Variants in IPO11 observed in about 807,000 individuals in gnomAD.
IPO11 encodes the protein importin-11.
In IPO11, 66 loss-of-function variants were observed where a neutral mutation model predicts 143.2. The observed-to-expected ratio is 0.46, with a 90% CI of 0.38 to 0.57. The LOEUF is 0.57. IPO11 is among the 20% of genes least tolerant of loss of function. The pLI, the probability that IPO11 is intolerant of heterozygous loss-of-function variation, is 0.00. For missense variants in IPO11, 1,026 were observed against 1,141.0 expected, an observed-to-expected ratio of 0.90 and a Z score of 1.45; for synonymous variants, 385 against 377.8, an observed-to-expected ratio of 1.02 and a Z score of -0.22.
intron 14 of IPO11, among the ~76,000 whole-genome samples, chr5:62,489,798 G>C (rs910383943): frequency 1.3e-5 from 2 of 152,144 alleles, no homozygotes; most frequent in African/African-American, 4.8e-5. Context: ...GCTGGAGAGA[G>C]TTAAGTAGGG....
intron 1 of IPO11, among the ~76,000 whole-genome samples, chr5:62,426,032 G>A (rs1271729343): frequency 6.6e-6 from 1 of 152,164 alleles, no homozygotes; most frequent in African/African-American, 2.4e-5. Context: ...AGAGTCCCCT[G>A]GGTGAGGAGA....
chr5:62,475,037 G>T (rs764623683), intron 8 of IPO11, among the ~76,000 whole-genome samples: 25 of 151,974 alleles, frequency 1.6e-4, no homozygotes, highest in Non-Finnish European at 2.8e-4. Flanking sequence ...TTGACTGCAG[G>T]CACCTGATAC....
At chr5:62,418,781 G>A (rs924259841) in intron 1 of IPO11, 7 of 380,666 alleles carry the variant, frequency 1.8e-5, no homozygotes, top group African/African-American at 4.1e-5. Context: ...AGATGTTCAC[G>A]TATTGTCTCC....
At chr5:62,608,231 A>G (rs956798862) in intron 29 of IPO11, among the ~76,000 whole-genome samples, 1 of 152,124 alleles carries the variant, frequency 6.6e-6, no homozygotes, top group South Asian at 2.1e-4. Flanking sequence ...TTTGAACTTT[A>G]TCTGGAGCCC....
At chr5:62,440,598 C>G (rs1381340965) in intron 2 of IPO11, among the ~76,000 whole-genome samples, 1 of 151,758 alleles carries the variant, frequency 6.6e-6, no homozygotes, top group Non-Finnish European at 1.5e-5. Context: ...CTCAAATAAT[C>G]TGCCCACCTC....
At chr5:62,550,035 C>T (rs1474693042) in intron 24 of IPO11, among the ~76,000 whole-genome samples, 2 of 152,138 alleles carry the variant, frequency 1.3e-5, no homozygotes, top group Non-Finnish European at 2.9e-5. Flanking sequence ...TCTATTAGTG[C>T]ATCATTTTTA....
rs183506926 is a variant in IPO11 at position 62,608,056 on chromosome 5, T to A, written c.2763+6208T>A. The stretch of plus-strand genomic sequence containing the variant: ...CTGTTCCTGAACTCCTGACCTCAAG[T>A]GATCCACCCGCCTTGGCCTCCCAAA... On this transcript the variant is annotated intron_variant, in intron 29 of 29. Coordinates refer to ENST00000325324, the MANE Select transcript of IPO11 (RefSeq NM_016338.5). Among the ~76,000 whole-genome samples, 286 of 152,268 alleles carry A rather than the reference T, an allele frequency of 1.9e-3. 2 individuals are homozygous for A. Among genetic ancestry groups the A allele is most frequent in the Middle Eastern group, 3.4e-3 (1 of 294 alleles).
At chr5:62,457,794 G>A (rs976794995) in intron 5 of IPO11, among the ~76,000 whole-genome samples, 10 of 152,122 alleles carry the variant, frequency 6.6e-5, no homozygotes, top group African/African-American at 2.2e-4. Flanking sequence ...ATGCCAAGGC[G>A]CCACTTCCAT....
chr5:62,483,818 C>G (rs1034370541), intron 10 of IPO11, among the ~76,000 whole-genome samples, 192 bp from the exon 11 acceptor site: 1 of 151,682 alleles, frequency 6.6e-6, no homozygotes, highest in Non-Finnish European at 1.5e-5. Flanking sequence ...AGCTGTAATG[C>G]CAGAGGCAAG....
chr5:62,596,800 A>T (rs1309272619), intron 28 of IPO11, among the ~76,000 whole-genome samples: 3 of 152,024 alleles, frequency 2.0e-5, no homozygotes, highest in African/African-American at 7.2e-5. Context: ...TTAAAAGCTG[A>T]GTTTCTTACA....
At chr5:62,480,073 G>T (rs1355575348) in intron 9 of IPO11, among the ~76,000 whole-genome samples, 1 of 152,124 alleles carries the variant, frequency 6.6e-6, no homozygotes, top group African/African-American at 2.4e-5. Flanking sequence ...ATGGTTTTAG[G>T]TCTAACATTT....
intron 27 of IPO11, among the ~76,000 whole-genome samples, chr5:62,573,718 C>T (rs1233449274): frequency 1.3e-5 from 2 of 152,136 alleles, no homozygotes; most frequent in African/African-American, 2.4e-5. Flanking sequence ...TAACCATATT[C>T]CAATTACAAA....
At chr5:62,502,275 C>T (rs72769140) in intron 16 of IPO11, among the ~76,000 whole-genome samples, 1,743 of 152,300 alleles carry the variant, frequency 0.011, 10 homozygotes, top group Non-Finnish European at 0.019. Flanking sequence ...GACAGACTCA[C>T]AGTAGAAATG....
At chr5:62,566,727 G>T (rs532830714) in intron 27 of IPO11, among the ~76,000 whole-genome samples, 1 of 139,308 alleles carries the variant, frequency 7.2e-6, no homozygotes, top group South Asian at 2.3e-4. Flanking sequence ...GACACAGTAA[G>T]ACTCTGTCTC....
chr5:62,617,681 G>A (rs1402859079), intron 29 of IPO11, among the ~76,000 whole-genome samples: 1 of 151,840 alleles, frequency 6.6e-6, no homozygotes, highest in Admixed American at 6.6e-5. Context: ...TCGCCCCATT[G>A]CTGGAAACTG....
chr5:62,546,665 T>A (rs546049950), intron 24 of IPO11, among the ~76,000 whole-genome samples: 10 of 151,966 alleles, frequency 6.6e-5, no homozygotes, highest in Non-Finnish European at 1.5e-4. Flanking sequence ...TAAACTAAAG[T>A]GCAAAAGTTC....
At chr5:62,428,632 G>A (rs1042439785) in intron 1 of IPO11, among the ~76,000 whole-genome samples, 2 of 151,900 alleles carry the variant, frequency 1.3e-5, no homozygotes, top group Non-Finnish European at 2.9e-5. Context: ...GTGAGCCCCC[G>A]CGCCTGGCTA....
chr5:62,509,146 G>A (rs539468610), intron 19 of IPO11, among the ~76,000 whole-genome samples: 20 of 152,260 alleles, frequency 1.3e-4, no homozygotes, highest in African/African-American at 1.9e-4. Flanking sequence ...AACTTTTCTA[G>A]TGCAGAGATC....
intron 29 of IPO11, among the ~76,000 whole-genome samples, chr5:62,616,492 G>A (rs533137311): frequency 1.3e-5 from 2 of 152,156 alleles, no homozygotes; most frequent in African/African-American, 4.8e-5. Context: ...CCAGCACTTT[G>A]GGAGGTCGAG....
Sources: allele counts gnomAD v4.1 joint callset (sites outside exome capture counted in the v4.1 genomes callset), GRCh38; gene constraint gnomAD v4.1.1; transcripts MANE v1.5; gene names NCBI Gene and HGNC (gene_info 2026-07-23, HGNC 2026-07-21).